The following NRXN3 variants were observed in gnomAD, a reference collection of about 807,000 sequenced individuals.
NRXN3 encodes neurexin 3.
Under a neutral mutation model 137.6 loss-of-function variants are expected in NRXN3, and 32 were observed. The ratio of observed to expected loss-of-function variants is 0.23; its 90% CI spans 0.18 to 0.31. The LOEUF is 0.31. Ranked by LOEUF, NRXN3 falls within the 10% of genes least tolerant of loss-of-function variation. The pLI, the probability that NRXN3 is intolerant of heterozygous loss-of-function variation, is 1.00. For synonymous variants in NRXN3, 798 were observed against 784.5 expected (o/e 1.02, Z -0.29); for missense variants, 1,574 against 2,062.5 (o/e 0.76, Z 4.59).
intron 20 of NRXN3, among the ~76,000 whole-genome samples, chr14:79,821,668 CTT>C (rs5809961): frequency 1.1e-4 from 13 of 121,460 alleles, no homozygotes; most frequent in East Asian, 9.6e-4. Flanking sequence ...AAGCTAAGAC[CTT>C]TTTTTTTTTT....
chr14:79,687,871 G>A lies in NRXN3; in HGVS notation c.3617-4302G>A, dbSNP rs537037985. Among the ~76,000 whole-genome samples the A allele has an allele frequency of 2.0e-5, 3 of 152,256 alleles. No homozygotes were observed. In the South Asian group the frequency reaches 6.2e-4, roughly 32 times the overall value. Reference sequence around the variant, plus strand: ...CTGAATTGCTCTTTTACTTTCAGTGGTTTTAGAAATCCACTTTGTTTTGGA... The same window carrying A: ...CTGAATTGCTCTTTTACTTTCAGTGATTTTAGAAATCCACTTTGTTTTGGA... On this transcript the variant is annotated intron_variant, in intron 17 of 20. Transcript: ENST00000335750.
At chr14:78,891,302 A>C (rs748679106) in intron 10 of NRXN3, among the ~76,000 whole-genome samples, 17 of 151,972 alleles carry the variant, frequency 1.1e-4, no homozygotes, top group Non-Finnish European at 1.9e-4. Flanking sequence ...GAAGTAACTA[A>C]AACTTAGAGA....
At chr14:78,623,186 T>C (rs1180566224) in intron 4 of NRXN3, among the ~76,000 whole-genome samples, 3 of 152,238 alleles carry the variant, frequency 2.0e-5, no homozygotes, top group Non-Finnish European at 4.4e-5. Flanking sequence ...ACATTATGTA[T>C]GTTAATTCAA....
At chr14:79,008,328 CT>C (rs1218874779) in intron 15 of NRXN3, among the ~76,000 whole-genome samples, 1 of 152,170 alleles carries the variant, frequency 6.6e-6, no homozygotes. Context: ...ACTCACCACT[CT>C]TAACAAGCGT....
intron 7 of NRXN3, among the ~76,000 whole-genome samples, chr14:78,711,271 C>A (rs1179766220): frequency 6.6e-6 from 1 of 151,956 alleles, no homozygotes; most frequent in Non-Finnish European, 1.5e-5. Flanking sequence ...TTGTTCATTT[C>A]TGTCTGTTCC....
At chr14:78,306,403 T>A (rs2077373971) in intron 4 of NRXN3, among the ~76,000 whole-genome samples, 1 of 152,220 alleles carries the variant, frequency 6.6e-6, no homozygotes, top group Admixed American at 6.5e-5. Context: ...GATCAATATG[T>A]ATACACACAT....
chr14:78,306,465 T>A (rs2077378310), intron 4 of NRXN3, among the ~76,000 whole-genome samples: 1 of 152,192 alleles, frequency 6.6e-6, no homozygotes, highest in African/African-American at 2.4e-5. Context: ...AATTGTGTTG[T>A]CTTTAAGATA....
At chr14:78,863,194 C>G (rs1277487389) in intron 10 of NRXN3, among the ~76,000 whole-genome samples, 4 of 152,220 alleles carry the variant, frequency 2.6e-5, no homozygotes, top group African/African-American at 9.6e-5. Context: ...ACAAGAAAAT[C>G]AACTGATTTA....
At chr14:78,447,224 A>G (rs887044237) in intron 4 of NRXN3, among the ~76,000 whole-genome samples, 1 of 152,224 alleles carries the variant, frequency 6.6e-6, no homozygotes, top group African/African-American at 2.4e-5. Flanking sequence ...TCTGTCATTC[A>G]TATTTCAGAG....
At chr14:78,721,289 G>A (rs17108125) in intron 8 of NRXN3, among the ~76,000 whole-genome samples, 22,399 of 152,082 alleles carry the variant, frequency 0.15, 2,337 homozygotes, top group African/African-American at 0.3. Context: ...GGGAATCTGC[G>A]TTATGGCTGT....
intron 15 of NRXN3, among the ~76,000 whole-genome samples, chr14:79,089,333 C>A (rs1474601063): frequency 1.3e-5 from 2 of 151,822 alleles, no homozygotes; most frequent in African/African-American, 4.8e-5. Flanking sequence ...TGATAGCAAA[C>A]AAGGAAGGTG....
chr14:78,952,076 T>A (rs1346700183), intron 10 of NRXN3, among the ~76,000 whole-genome samples: 3 of 152,144 alleles, frequency 2.0e-5, no homozygotes, highest in African/African-American at 7.2e-5. Flanking sequence ...CTGGGAGACT[T>A]CTCTGTAGAA....
At chr14:79,390,549 A>G (rs958192367) in intron 15 of NRXN3, among the ~76,000 whole-genome samples, 2 of 152,008 alleles carry the variant, frequency 1.3e-5, no homozygotes, top group African/African-American at 4.8e-5. Context: ...AGACTGGGAG[A>G]TTCTCCTAAA....
intron 17 of NRXN3, among the ~76,000 whole-genome samples, chr14:79,668,840 C>T (rs117601103): frequency 0.016 from 2,404 of 152,116 alleles, 29 homozygotes; most frequent in Non-Finnish European, 0.024. Flanking sequence ...ATATAAGAGC[C>T]GCTGACTTAG....
intron 8 of NRXN3, among the ~76,000 whole-genome samples, chr14:78,758,574 C>A (rs1020811034): frequency 6.6e-6 from 1 of 152,184 alleles, no homozygotes; most frequent in Non-Finnish European, 1.5e-5. Flanking sequence ...TCTGCAAGAG[C>A]AGTTCCAGAC....
intron 15 of NRXN3, among the ~76,000 whole-genome samples, chr14:79,285,311 A>G (rs1483389063): frequency 6.6e-6 from 1 of 152,194 alleles, no homozygotes; most frequent in Non-Finnish European, 1.5e-5. Context: ...CATTTTAGTA[A>G]ATGAACTTAT....
At chr14:79,016,073 G>A (rs1014312043) in intron 15 of NRXN3, among the ~76,000 whole-genome samples, 2 of 152,094 alleles carry the variant, frequency 1.3e-5, no homozygotes, top group Non-Finnish European at 2.9e-5. Context: ...ATGGCCCCTT[G>A]TGCCCTTTAT....
At chr14:78,219,164 G>T (rs2063583278) in intron 1 of NRXN3, among the ~76,000 whole-genome samples, 2 of 151,886 alleles carry the variant, frequency 1.3e-5, no homozygotes, top group South Asian at 4.2e-4. Context: ...TGGGAGGGGG[G>T]ATGCAGTTCA....
intron 20 of NRXN3, among the ~76,000 whole-genome samples, chr14:79,816,286 C>CAAAGT (rs1035382318): frequency 6.6e-6 from 1 of 152,140 alleles, no homozygotes; most frequent in African/African-American, 2.4e-5. Context: ...CAACACTTCT[C>CAAAGT]AAAGTACTAA....
Sources: allele counts gnomAD v4.1 joint callset (sites outside exome capture counted in the v4.1 genomes callset), GRCh38; gene constraint gnomAD v4.1.1; transcripts MANE v1.5; gene names NCBI Gene and HGNC (gene_info 2026-07-23, HGNC 2026-07-21).